ELFN1: variants seen among roughly 807,000 people sequenced by gnomAD.
ELFN1 encodes extracellular leucine rich repeat and fibronectin type III domain containing 1, also known as protein ELFN1.
Under a neutral mutation model 7.6 loss-of-function variants are expected in ELFN1, and 6 were observed. The ratio of observed to expected loss-of-function variants is 0.79; its 90% CI spans 0.43 to 1.56. The LOEUF (loss-of-function observed/expected upper bound fraction) is 1.56, where lower values mean the gene tolerates loss of function less well. Among genes scored for constraint, ELFN1 ranks in the 40% most tolerant of loss-of-function variants. ELFN1 has a pLI of 0.01. For synonymous variants in ELFN1, 657 were observed against 588.1 expected, an observed-to-expected ratio of 1.12 and a Z score of -1.70; for missense variants, 1,169 against 1,232.2, an observed-to-expected ratio of 0.95 and a Z score of 0.77.
At chr7:1,736,197 T>C (rs1780437256) in intron 3 of ELFN1, among the ~76,000 whole-genome samples, 1 of 152,150 alleles carries the variant, frequency 6.6e-6, no homozygotes, top group South Asian at 2.1e-4. Flanking sequence ...ACGTTAGCAG[T>C]AAACATGATC....
intron 1 of ELFN1, among the ~76,000 whole-genome samples, chr7:1,679,279 G>A (rs939543617): frequency 4.6e-5 from 7 of 152,140 alleles, no homozygotes; most frequent in East Asian, 1.9e-4. Context: ...AGGGCTGGGC[G>A]GGAGGGCCAT....
chr7:1,676,983 C>G (rs534363185), intron 1 of ELFN1, among the ~76,000 whole-genome samples: 1 of 152,316 alleles, frequency 6.6e-6, no homozygotes, highest in South Asian at 2.1e-4. Context: ...ACCCAGGGGA[C>G]TGCCGACGTC....
Position 1,747,190 on chromosome 7 carries a change from C to T in ELFN1, c.*107C>T, listed in dbSNP as rs1217934399. On this transcript the variant is annotated 3_prime_UTR_variant, in exon 4 of 4. Transcript: ENST00000424383. Reference sequence around the variant, plus strand: ...CACGCCACCACAGCAACTGTGACAGCGGGGGGCCCTGCAGAGGCGAGGGGG... The same window carrying T: ...CACGCCACCACAGCAACTGTGACAGTGGGGGGCCCTGCAGAGGCGAGGGGG... The T allele has an allele frequency of 2.7e-5, 35 of 1,278,586 alleles. No homozygotes were observed. The highest frequency in any genetic ancestry group is 4.7e-4 in the Middle Eastern group (2 of 4,254). 79.2% of individuals were successfully genotyped at this position (1,278,586 alleles called of 1,614,324 possible).
In ELFN1 at chr7:1,673,922, C is replaced by T. The variant is rs1224249389; in HGVS notation, c.-549+3568C>T. Reference sequence around the variant, plus strand: ...CTTGGTCTTGGAGAAGAGCTGGAACCCAGGCTGAGGCAGGAGGGGGTCCAG... The same window carrying T: ...CTTGGTCTTGGAGAAGAGCTGGAACTCAGGCTGAGGCAGGAGGGGGTCCAG... On this transcript the variant is annotated intron_variant, in intron 1 of 3. Coordinates refer to ENST00000424383, the MANE Select transcript of ELFN1 (RefSeq NM_001128636.4). This position sits in a 1 kb window ranked among gnomAD's most constrained non-coding sequence, Gnocchi z 4.7. 6.6e-6 allele frequency among the ~76,000 whole-genome samples: 1 copy of T among 152,154 alleles called. No individual in the cohort carries two copies.
chr7:1,718,614 C>T lies in ELFN1; in HGVS notation c.-294+9362C>T, dbSNP rs535307526. 9.3e-4 allele frequency among the ~76,000 whole-genome samples: 142 copies of T among 152,276 alleles called. 1 individual carries two copies. Among genetic ancestry groups the T allele is most frequent in the Middle Eastern group, 3.4e-3 (1 of 294 alleles). On this transcript the variant is annotated intron_variant, in intron 3 of 3. Transcript: ENST00000424383. ...CACTTCTGAGAGTACAAAGAGGTGG[C>T]GTTTGCAGTGACATCGGGACAGTAG...
At chr7:1,726,034 C>A (rs1254967544) in intron 3 of ELFN1, among the ~76,000 whole-genome samples, 1 of 152,026 alleles carries the variant, frequency 6.6e-6, no homozygotes, top group Non-Finnish European at 1.5e-5. Context: ...ACACAACTTG[C>A]GCAAAAATCA....
At position 1,746,689 on chromosome 7, in the gene ELFN1, G is replaced by A. The variant is rs1304164539; in HGVS notation, c.2093G>A (p.Arg698His). The A allele has an allele frequency of 1.2e-4, 178 of 1,437,180 alleles. No homozygotes were observed. Among genetic ancestry groups the A allele is most frequent in the Admixed American group, 2.0e-4 (7 of 35,502 alleles). The allele number at this position is 1,437,180 out of a possible 1,614,324, so 89.0% of individuals were successfully genotyped here. A position where few individuals can be genotyped will look rare whatever the true frequency, so the allele number is the denominator to read the frequency against. ...AVLRAEAEKGRQYGEHRHSYP... is the reference protein window; with the variant it reads ...AVLRAEAEKGHQYGEHRHSYP... ...CTGCGGGCCGAGGCCGAGAAGGGTCGCCAGTACGGCGAGCACCGGCACTCG... is the reference window on the plus strand; with the variant it reads ...CTGCGGGCCGAGGCCGAGAAGGGTCACCAGTACGGCGAGCACCGGCACTCG... The change falls in exon 4 of 4, where the codon CGC becomes CAC. Residue 698 changes from arginine (R) to histidine (H), a missense_variant. Physicochemically the swap from Arg to His is conservative, Grantham distance 29. Coordinates refer to ENST00000424383, the MANE Select transcript of ELFN1 (RefSeq NM_001128636.4).
At chr7:1,701,802 C>T (rs1264220749) in intron 2 of ELFN1, among the ~76,000 whole-genome samples, 8 of 152,148 alleles carry the variant, frequency 5.3e-5, no homozygotes, top group Admixed American at 5.2e-4. Flanking sequence ...GACCCTATCT[C>T]AATCCACAAA....
intron 1 of ELFN1, among the ~76,000 whole-genome samples, chr7:1,681,022 G>A (rs559311214): frequency 5.9e-5 from 9 of 151,900 alleles, no homozygotes; most frequent in African/African-American, 2.2e-4. Context: ...GATTACAGGC[G>A]TGAGCCACTG....
chr7:1,672,865 A>G (rs2128573047), intron 1 of ELFN1, among the ~76,000 whole-genome samples: 1 of 152,226 alleles, frequency 6.6e-6, no homozygotes, highest in Non-Finnish European at 1.5e-5. Flanking sequence ...TTCACAAGAA[A>G]GAAACAGGCA....
rs995635215 is a variant in ELFN1 at position 1,676,055 on chromosome 7, T to A, written c.-549+5701T>A. On this transcript the variant is annotated intron_variant, in intron 1 of 3. Coordinates refer to ENST00000424383, the MANE Select transcript of ELFN1 (RefSeq NM_001128636.4). ...GAGGGAGGCTGCCTGGGAGGGGGACTGGGATGCTTCCCGGACATGTCTGGA... is the reference window on the plus strand; with the variant it reads ...GAGGGAGGCTGCCTGGGAGGGGGACAGGGATGCTTCCCGGACATGTCTGGA... Among the ~76,000 whole-genome samples, 14 of 152,160 alleles carry A rather than the reference T, an allele frequency of 9.2e-5. 1 individual carries two copies. The highest frequency in any genetic ancestry group is 8.5e-4 in the Admixed American group (13 of 15,284).
In ELFN1 at chr7:1,744,903, G is replaced by A. The variant is rs1448289526; in HGVS notation, c.307G>A (p.Ala103Thr). ...CGAGATCGGCTACATCGAGGACGGC[G>A]CCTTCTCGGGCCAGTTCAACCTGCA... The part of the protein sequence containing the change: ...KNEIGYIEDG[A>T]FSGQFNLQVL... Residue 103 changes from alanine to threonine, a missense_variant, in exon 4 of 4, where the codon GCC (alanine) becomes ACC (threonine). Transcript: ENST00000424383. 3 of 1,554,680 alleles carry A rather than the reference G, an allele frequency of 1.9e-6. No individual in the cohort carries two copies. The highest frequency in any genetic ancestry group is 2.0e-5 in the Admixed American group (1 of 51,274).
intron 2 of ELFN1, chr7:1,693,864 G>C (rs1034956829): frequency 2.3e-6 from 1 of 444,202 alleles, no homozygotes; most frequent in Non-Finnish European, 4.8e-6. Context: ...GGCTCCAGCA[G>C]GAGTGAGAGT....
rs981210328 is a variant in ELFN1 at position 1,673,895 on chromosome 7, G to A, written c.-549+3541G>A. On this transcript the variant is annotated intron_variant, in intron 1 of 3. Coordinates refer to ENST00000424383, the MANE Select transcript of ELFN1 (RefSeq NM_001128636.4). The surrounding 1 kb of genome is among the most constrained non-coding windows in gnomAD (Gnocchi z 4.7). ...GTAGAGCTGTCCTGGGGCAGCTGGG[G>A]TCTTGGTCTTGGAGAAGAGCTGGAA... 6.6e-6 allele frequency among the ~76,000 whole-genome samples: 1 copy of A among 152,194 alleles called. No homozygotes were observed. Among genetic ancestry groups the A allele is most frequent in the East Asian group, 1.9e-4 (1 of 5,194 alleles).
rs1344129137 is a variant in ELFN1 at position 1,735,131 on chromosome 7, C to G, written c.-293-9173C>G. Among the ~76,000 whole-genome samples the G allele has an allele frequency of 3.3e-5, 5 of 152,320 alleles. No individual in the cohort carries two copies. The highest frequency in any genetic ancestry group is 3.3e-4 in the Admixed American group (5 of 15,306). ...CCCCATCTGTCCAATTGAGGTAACA[C>G]TAACCTTTGCCTCCCTGAACCCTGG... On this transcript the variant is annotated intron_variant, in intron 3 of 3. Transcript: ENST00000424383. The surrounding 1 kb of genome is among the most constrained non-coding windows in gnomAD (Gnocchi z 5.9).
chr7:1,730,567 A>G (rs1479558346), intron 3 of ELFN1, among the ~76,000 whole-genome samples: 1 of 152,266 alleles, frequency 6.6e-6, no homozygotes, highest in Non-Finnish European at 1.5e-5. Flanking sequence ...CACAGTGTCC[A>G]CAGGTCAGCT....
chr7:1,733,731 T>A (rs1780372505), intron 3 of ELFN1, among the ~76,000 whole-genome samples: 1 of 152,132 alleles, frequency 6.6e-6, no homozygotes, highest in Non-Finnish European at 1.5e-5. Flanking sequence ...CCCAAAACCA[T>A]GCCCCAAATC....
At chr7:1,724,041 C>T (rs1006276325) in intron 3 of ELFN1, among the ~76,000 whole-genome samples, 1 of 152,260 alleles carries the variant, frequency 6.6e-6, no homozygotes, top group African/African-American at 2.4e-5. Flanking sequence ...TTGGCTTAGG[C>T]CCCGGCCCCA....
intron 2 of ELFN1, chr7:1,694,084 TC>T (rs1779244729): frequency 4.0e-6 from 1 of 251,100 alleles, no homozygotes. Flanking sequence ...TGGTCTCACT[TC>T]CTAGAAAGAG....
Sources: allele counts gnomAD v4.1 joint callset (sites outside exome capture counted in the v4.1 genomes callset), GRCh38; gene constraint gnomAD v4.1.1; non-coding constraint Gnocchi (gnomAD v3.1); transcripts MANE v1.5; gene names NCBI Gene and HGNC (gene_info 2026-07-23, HGNC 2026-07-21).